The following CTNNA3 variants were observed in gnomAD, a reference collection of about 807,000 sequenced individuals.
The protein encoded by CTNNA3 is catenin alpha-3.
A neutral mutation model predicts 95.7 loss-of-function variants in CTNNA3; 76 were observed. The observed-to-expected ratio is 0.79, with a 90% CI of 0.66 to 0.96. The LOEUF (loss-of-function observed/expected upper bound fraction) is 0.96. Among genes scored for constraint, CTNNA3 ranks in the 40% least tolerant of loss-of-function variants. The pLI is 0.00. For synonymous variants in CTNNA3, 431 were observed against 374.4 expected (o/e 1.15, Z -1.74); for missense variants, 1,191 against 1,089.8 (o/e 1.09, Z -1.31).
At chr10:66,183,271 C>A (rs1307832167) in intron 13 of CTNNA3, among the ~76,000 whole-genome samples, 1 of 152,188 alleles carries the variant, frequency 6.6e-6, no homozygotes, top group Non-Finnish European at 1.5e-5. Flanking sequence ...ACACACCATG[C>A]CCATGTGTTC....
At chr10:66,162,829 G>C (rs938338808) in intron 13 of CTNNA3, among the ~76,000 whole-genome samples, 1 of 151,728 alleles carries the variant, frequency 6.6e-6, no homozygotes, top group African/African-American at 2.4e-5. Context: ...GGACCATCAG[G>C]TGGGGGCAGG....
rs1840632417 is a variant in CTNNA3 at position 66,783,728 on chromosome 10, A to G, written c.1048-8204T>C. Among the ~76,000 whole-genome samples, 5 of 152,290 alleles carry G rather than the reference A, an allele frequency of 3.3e-5. No individual in the cohort carries two copies. The South Asian group carries it at 1.0e-3, about 32-fold the overall frequency. On this transcript the variant is annotated intron_variant, in intron 7 of 17. Transcript: ENST00000433211. ...ATAGCATTACACACATAGACCAAAT[A>G]AATTATTTTCCCGCTTTTAAATAGA...
rs745750331 is a variant in CTNNA3, at chr10:66,877,582, GT to G, written c.1048-102059del. ...GATAAGATTCTCTCACCATTTATCT[GT>G]GAGATGGCCATTTACATTGCTCCTA... is the stretch of plus-strand genomic sequence containing the variant. On this transcript the variant is annotated intron_variant, in intron 7 of 17. Coordinates refer to ENST00000433211, the MANE Select transcript of CTNNA3 (RefSeq NM_013266.4). Among the ~76,000 whole-genome samples, 177 of 152,228 alleles carry G rather than the reference GT, an allele frequency of 1.2e-3. 2 individuals are homozygous for G. The highest frequency in any genetic ancestry group is 2.8e-4 in the Non-Finnish European group (19 of 68,008).
At chr10:67,088,325 T>C (rs1175842892) in intron 7 of CTNNA3, among the ~76,000 whole-genome samples, 10 of 151,860 alleles carry the variant, frequency 6.6e-5, no homozygotes, top group African/African-American at 9.7e-5. Context: ...ATATTTCTCT[T>C]TGGTTTTGTA....
chr10:66,495,919 AAGTGCTGGGATTACAGCTG>A, intron 11 of CTNNA3, among the ~76,000 whole-genome samples: 1 of 152,068 alleles, frequency 6.6e-6, no homozygotes, highest in African/African-American at 2.4e-5. Context: ...TGGCCTCCCA[AAGTGCTGGGATTACAGCTG>A]TAAACCACCA....
intron 11 of CTNNA3, among the ~76,000 whole-genome samples, chr10:66,459,829 A>G (rs2093516837): frequency 2.0e-5 from 3 of 152,204 alleles, no homozygotes; most frequent in South Asian, 4.1e-4. Context: ...GATCATTGTC[A>G]TATATATGTT....
At chr10:66,982,476 A>C (rs1173860039) in intron 7 of CTNNA3, among the ~76,000 whole-genome samples, 1 of 152,204 alleles carries the variant, frequency 6.6e-6, no homozygotes, top group East Asian at 1.9e-4. Context: ...TAAAGCACCC[A>C]GGACAATGTT....
At chr10:66,807,892 A>G (rs1004706880) in intron 7 of CTNNA3, among the ~76,000 whole-genome samples, 1 of 152,094 alleles carries the variant, frequency 6.6e-6, no homozygotes, top group African/African-American at 2.4e-5. Context: ...CGGGCTATCA[A>G]TAAACTCATT....
chr10:67,005,682 CTTTTTT>C lies in CTNNA3; in HGVS notation c.1047+174629_1047+174634del, dbSNP rs11369576. 1.9e-4 allele frequency among the ~76,000 whole-genome samples: 12 copies of C among 61,972 alleles called. 2 individuals are homozygous for C. The highest frequency in any genetic ancestry group is 3.3e-4 in the Admixed American group (1 of 3,052). 40.7% of individuals were successfully genotyped at this position (61,972 alleles called of 152,430 possible). On this transcript the variant is annotated intron_variant, in intron 7 of 17. Coordinates refer to ENST00000433211, the MANE Select transcript of CTNNA3 (RefSeq NM_013266.4). ...AATGCTTTTGTTTATTTTACTCCATCTTTTTTTTTTTTTTTTTTTTTGAGACGGAGT... is the reference window on the plus strand; with the variant it reads ...AATGCTTTTGTTTATTTTACTCCATCTTTTTTTTTTTTTTTGAGACGGAGT...
chr10:66,621,544 A>T (rs1589510726), intron 10 of CTNNA3, 148 bp downstream of exon 10: 1 of 493,520 alleles, frequency 2.0e-6, no homozygotes, highest in African/African-American at 2.0e-5. Context: ...GTCAGTCGAG[A>T]TTGCGCCACT....
At chr10:66,815,130 T>C (rs1433186189) in intron 7 of CTNNA3, among the ~76,000 whole-genome samples, 1 of 152,116 alleles carries the variant, frequency 6.6e-6, no homozygotes, top group East Asian at 1.9e-4. Context: ...ATCTTTAAAA[T>C]GGTAGAATAA....
chr10:66,049,886 C>T (rs1331988434), intron 15 of CTNNA3, among the ~76,000 whole-genome samples: 1 of 151,970 alleles, frequency 6.6e-6, no homozygotes. Flanking sequence ...TACAACAAAC[C>T]CGTGTAAATG....
In CTNNA3 at chr10:66,927,531, C is replaced by T; in HGVS notation, c.1048-152007G>A. 3.7e-6 allele frequency: 6 copies of T among 1,614,164 alleles called. No homozygotes were observed. Among genetic ancestry groups the T allele is most frequent in the Non-Finnish European group, 5.1e-6 (6 of 1,180,040 alleles). On this transcript the variant is annotated intron_variant, in intron 7 of 17. Coordinates refer to ENST00000433211, the MANE Select transcript of CTNNA3 (RefSeq NM_013266.4). The surrounding 1 kb of genome is among the most constrained non-coding windows in gnomAD (Gnocchi z 4.7). ...CCAGGAATGTCTTTGCTGGCATGAT[C>T]AGACTCAAAGAACTTCACCTGGAGC...
At position 67,372,950 on chromosome 10, in the gene CTNNA3, C is replaced by T. The variant is rs545389762; in HGVS notation, c.579+148892G>A. ...CTGAGAGATTTTGTCACCACCAGGC[C>T]TGCCCTAAAAGACCTCCTGAAGGAA... On this transcript the variant is annotated intron_variant, in intron 5 of 17. Coordinates refer to ENST00000433211, the MANE Select transcript of CTNNA3 (RefSeq NM_013266.4). 5.3e-5 allele frequency among the ~76,000 whole-genome samples: 8 copies of T among 152,222 alleles called. No individual in the cohort carries two copies. The East Asian group carries it at 5.8e-4, about 11-fold the overall frequency.
At chr10:66,574,248 A>G (rs57308908) in intron 10 of CTNNA3, among the ~76,000 whole-genome samples, 43,834 of 151,942 alleles carry the variant, frequency 0.29, 6,729 homozygotes, top group Middle Eastern at 0.42. Flanking sequence ...AGGAAGAAAA[A>G]AGGAAAAACA....
chr10:67,702,646 T>C (rs1301623511), intron 1 of CTNNA3, among the ~76,000 whole-genome samples: 2 of 152,200 alleles, frequency 1.3e-5, no homozygotes, highest in Non-Finnish European at 2.9e-5. Context: ...GGGAAATTTA[T>C]AGCACTAAAT....
At chr10:66,405,548 G>A (rs2441756) in intron 11 of CTNNA3, among the ~76,000 whole-genome samples, 80,986 of 151,896 alleles carry the variant, frequency 0.53, 22,341 homozygotes, top group African/African-American at 0.66. Context: ...TTTATATCCA[G>A]TGTTCTTCTC....
At chr10:66,171,855 CA>C (rs1184568406) in intron 13 of CTNNA3, among the ~76,000 whole-genome samples, 6 of 151,216 alleles carry the variant, frequency 4.0e-5, no homozygotes, top group Non-Finnish European at 7.4e-5. Flanking sequence ...CATGAGGGAA[CA>C]AAAAAAATTA....
At chr10:66,526,362 T>C (rs893404423) in intron 10 of CTNNA3, among the ~76,000 whole-genome samples, 1 of 152,042 alleles carries the variant, frequency 6.6e-6, no homozygotes, top group Non-Finnish European at 1.5e-5. Context: ...ATTTTTTGTA[T>C]TTTTGATAGA....
Sources: gnomAD v4.1 joint callset for allele counts (sites outside exome capture counted in the v4.1 genomes callset) on GRCh38, gnomAD v4.1.1 for gene constraint, Gnocchi (gnomAD v3.1) non-coding constraint, MANE v1.5 for transcripts, NCBI Gene and HGNC (gene_info 2026-07-23, HGNC 2026-07-21) for gene names.